Variants in TBC1D32 observed in about 807,000 individuals in gnomAD.
The protein encoded by TBC1D32 is protein broad-minded.
Under a neutral mutation model 170.3 loss-of-function variants are expected in TBC1D32, and 151 were observed. The ratio of observed to expected loss-of-function variants is 0.89; its 90% CI spans 0.78 to 1.01. The LOEUF is 1.01. Ranked by LOEUF, TBC1D32 falls within the 50% of genes least tolerant of loss-of-function variation. The probability of loss-of-function intolerance (pLI) is 0.00; values close to 1 mark genes in which losing one functional copy is unlikely to be tolerated. For missense variants in TBC1D32, 1,464 were observed against 1,457.1 expected (o/e 1.00, Z -0.08); for synonymous variants, 498 against 488.0 (o/e 1.02, Z -0.27).
At chr6:121,133,697 A>G (rs1382668635) in intron 24 of TBC1D32, among the ~76,000 whole-genome samples, 1 of 152,112 alleles carries the variant, frequency 6.6e-6, no homozygotes, top group African/African-American at 2.4e-5. Flanking sequence ...ACATGAATAC[A>G]CAGATACATA....
chr6:121,230,627 C>T (rs1445002596), intron 20 of TBC1D32, among the ~76,000 whole-genome samples: 3 of 141,552 alleles, frequency 2.1e-5, no homozygotes, highest in South Asian at 4.6e-4. Flanking sequence ...TTATTGAAAT[C>T]TGATATGTAT....
chr6:121,125,891 C>A (rs375661650), intron 26 of TBC1D32, among the ~76,000 whole-genome samples: 1 of 152,166 alleles, frequency 6.6e-6, no homozygotes, highest in East Asian at 1.9e-4. Context: ...GCCCATCACA[C>A]CGACCCAGAC....
At chr6:121,312,800 C>T (rs1254204399) in intron 3 of TBC1D32, among the ~76,000 whole-genome samples, 1 of 152,140 alleles carries the variant, frequency 6.6e-6, no homozygotes, top group Non-Finnish European at 1.5e-5. Context: ...GCTGTCAGCC[C>T]ACTTGCATGT....
At chr6:121,205,766 T>C (rs1792172199) in intron 21 of TBC1D32, among the ~76,000 whole-genome samples, 1 of 152,092 alleles carries the variant, frequency 6.6e-6, no homozygotes, top group Admixed American at 6.6e-5. Flanking sequence ...CTGGCATCAA[T>C]ACTCTTTTAA....
Position 121,100,563 on chromosome 6 carries a change from A to G in TBC1D32, c.3465+5460T>C, listed in dbSNP as rs531644539. 6.6e-5 allele frequency among the ~76,000 whole-genome samples: 10 copies of G among 152,200 alleles called. No homozygotes were observed. The South Asian group carries it at 2.1e-3, about 32-fold the overall frequency. ...TGAGAACAAAGACACAACATACCAGAATCTCTGGGACACATTTAAAGCAGT... is the reference window on the plus strand; with the variant it reads ...TGAGAACAAAGACACAACATACCAGGATCTCTGGGACACATTTAAAGCAGT... On this transcript the variant is annotated intron_variant, in intron 30 of 31. Transcript: ENST00000398212.
intron 30 of TBC1D32, among the ~76,000 whole-genome samples, chr6:121,091,374 G>A (rs944300140): frequency 3.3e-5 from 5 of 151,876 alleles, no homozygotes; most frequent in Non-Finnish European, 5.9e-5. Context: ...AATGCTAAGA[G>A]ACTATTTTAA....
intron 29 of TBC1D32, among the ~76,000 whole-genome samples, chr6:121,112,111 T>C (rs922506815): frequency 2.0e-5 from 3 of 152,094 alleles, no homozygotes; most frequent in Non-Finnish European, 2.9e-5. Context: ...CTATAGAAAA[T>C]AGTTACAATA....
intron 2 of TBC1D32, among the ~76,000 whole-genome samples, chr6:121,318,158 T>C (rs1292425732): frequency 1.3e-5 from 2 of 152,196 alleles, no homozygotes; most frequent in African/African-American, 4.8e-5. Context: ...CTGAGAGCTC[T>C]TGTATACTCC....
At chr6:121,112,811 T>G (rs1779320400) in intron 28 of TBC1D32, 152 bp from the exon 29 acceptor site, 1 of 758,766 alleles carries the variant, frequency 1.3e-6, no homozygotes, top group African/African-American at 1.8e-5. Context: ...TAGACATGTC[T>G]GAAAATACAT....
At chr6:121,147,092 T>G (rs1374498520) in intron 24 of TBC1D32, among the ~76,000 whole-genome samples, 2 of 152,228 alleles carry the variant, frequency 1.3e-5, no homozygotes, top group African/African-American at 4.8e-5. Context: ...TGTTCTTGCA[T>G]TAATGCACTT....
At position 121,194,300 on chromosome 6, in the gene TBC1D32, G is replaced by A. The variant is rs942782395; in HGVS notation, c.2570+10775C>T. Among the ~76,000 whole-genome samples the A allele has an allele frequency of 3.9e-5, 6 of 152,196 alleles. 1 individual carries two copies. Among genetic ancestry groups the A allele is most frequent in the Admixed American group, 3.9e-4 (6 of 15,284 alleles). On this transcript the variant is annotated intron_variant, in intron 22 of 31. Coordinates refer to ENST00000398212, the MANE Select transcript of TBC1D32 (RefSeq NM_152730.6). ...CCACATTGACTCTCTGACTGGTAGG[G>A]TGAGGGCTACTATGGTGGGAAAGGC...
chr6:121,148,150 G>C (rs755648388), intron 24 of TBC1D32, among the ~76,000 whole-genome samples: 4 of 151,074 alleles, frequency 2.6e-5, no homozygotes, highest in Non-Finnish European at 4.4e-5. Flanking sequence ...CCCAACCCCC[G>C]ACAGGCCCCA....
At chr6:121,295,189 C>T (rs1805427936) in intron 10 of TBC1D32, among the ~76,000 whole-genome samples, 1 of 150,056 alleles carries the variant, frequency 6.7e-6, no homozygotes, top group Non-Finnish European at 1.5e-5. Flanking sequence ...TATTAGTCTC[C>T]ATTCTAACTC....
intron 1 of TBC1D32, among the ~76,000 whole-genome samples, chr6:121,323,018 A>G (rs866400571): frequency 1.3e-5 from 2 of 152,148 alleles, no homozygotes; most frequent in South Asian, 2.1e-4. Flanking sequence ...AAAAAAGTGT[A>G]CAGCAAAAAG....
chr6:121,260,005 C>T (rs1195832876), intron 15 of TBC1D32, among the ~76,000 whole-genome samples: 2 of 152,150 alleles, frequency 1.3e-5, no homozygotes, highest in Admixed American at 1.3e-4. Flanking sequence ...TCCACCCAGC[C>T]TTCTTCTCCC....
At chr6:121,293,212 A>C (rs1318415949) in intron 11 of TBC1D32, among the ~76,000 whole-genome samples, 1 of 152,150 alleles carries the variant, frequency 6.6e-6, no homozygotes, top group African/African-American at 2.4e-5. Flanking sequence ...GGACTAAGAA[A>C]GTAATGAGGG....
intron 24 of TBC1D32, among the ~76,000 whole-genome samples, chr6:121,138,875 C>T (rs148240932): frequency 0.012 from 1,842 of 149,064 alleles, 37 homozygotes; most frequent in African/African-American, 0.042. Context: ...GACGGAGTCT[C>T]GCTCTGTCGC....
At chr6:121,326,994 T>TTTC (rs1356260903) in intron 1 of TBC1D32, among the ~76,000 whole-genome samples, 1 of 152,124 alleles carries the variant, frequency 6.6e-6, no homozygotes, top group Non-Finnish European at 1.5e-5. Flanking sequence ...TTTTATGTTG[T>TTTC]TTCTTTTACC....
At chr6:121,147,223 G>C (rs575449560) in intron 24 of TBC1D32, among the ~76,000 whole-genome samples, 2 of 152,074 alleles carry the variant, frequency 1.3e-5, no homozygotes, top group Non-Finnish European at 2.9e-5. Context: ...ATCCACAATT[G>C]TTGGGCACCT....
Sources: gnomAD v4.1 joint callset for allele counts (sites outside exome capture counted in the v4.1 genomes callset) on GRCh38, gnomAD v4.1.1 for gene constraint, MANE v1.5 for transcripts, NCBI Gene and HGNC (gene_info 2026-07-23, HGNC 2026-07-21) for gene names.